ZNF430: variants seen among roughly 807,000 people sequenced by gnomAD.
ZNF430 encodes the protein zinc finger protein 430.
Under a neutral mutation model 56.7 loss-of-function variants are expected in ZNF430, and 35 were observed. The observed-to-expected ratio is 0.62, with a 90% CI of 0.47 to 0.82. ZNF430 has a LOEUF of 0.82. Ranked by LOEUF, ZNF430 falls within the 40% of genes least tolerant of loss-of-function variation. ZNF430 has a pLI of 0.00. For synonymous variants in ZNF430, 212 were observed against 224.3 expected, an observed-to-expected ratio of 0.94 and a Z score of 0.49; for missense variants, 574 against 661.0, an observed-to-expected ratio of 0.87 and a Z score of 1.44.
At chr19:21,055,762 T>A (rs1968365429) in intron 4 of ZNF430, among the ~76,000 whole-genome samples, 2 of 152,094 alleles carry the variant, frequency 1.3e-5, no homozygotes, top group African/African-American at 4.8e-5. Context: ...CCTTTTTTTG[T>A]TTCTTCTTAA....
At chr19:21,038,535 A>G (rs906664006) in intron 4 of ZNF430, among the ~76,000 whole-genome samples, 1 of 151,426 alleles carries the variant, frequency 6.6e-6, no homozygotes, top group African/African-American at 2.4e-5. Context: ...TTCAGCGATT[A>G]TTCTGCCTCA....
chr19:21,056,502 A>AT, intron 4 of ZNF430, 129 bp from the exon 5 acceptor site: 2 of 651,326 alleles, frequency 3.1e-6, no homozygotes, highest in Non-Finnish European at 2.3e-6. Flanking sequence ...AAAAAAAAAA[A>AT]TTAGGGCCTT....
intron 2 of ZNF430, among the ~76,000 whole-genome samples, chr19:21,031,910 T>C (rs777199530): frequency 6.6e-6 from 1 of 152,224 alleles, no homozygotes; most frequent in Non-Finnish European, 1.5e-5. Flanking sequence ...TTCAAGGCTG[T>C]CTGCAAAACA....
At chr19:21,027,387 A>G (rs1967823578) in intron 2 of ZNF430, among the ~76,000 whole-genome samples, 1 of 152,172 alleles carries the variant, frequency 6.6e-6, no homozygotes, top group South Asian at 2.1e-4. Flanking sequence ...TATTTTTAGC[A>G]TCTATTGAGA....
At chr19:21,038,912 A>T (rs1416029064) in intron 4 of ZNF430, among the ~76,000 whole-genome samples, 4 of 152,188 alleles carry the variant, frequency 2.6e-5, no homozygotes, top group African/African-American at 7.2e-5. Flanking sequence ...CAACTTAACT[A>T]AATTAAACTT....
At chr19:21,047,113 C>T (rs1006011103) in intron 4 of ZNF430, among the ~76,000 whole-genome samples, 1 of 152,106 alleles carries the variant, frequency 6.6e-6, no homozygotes, top group Non-Finnish European at 1.5e-5. Context: ...TCTTTCCTTG[C>T]TTCGTCTACT....
chr19:21,044,878 A>G (rs999530910), intron 4 of ZNF430, among the ~76,000 whole-genome samples: 1 of 151,990 alleles, frequency 6.6e-6, no homozygotes, highest in Non-Finnish European at 1.5e-5. Context: ...ACAGGTGTTT[A>G]TAGTATTTTC....
chr19:21,026,077 A>T, intron 2 of ZNF430: 1 of 275,440 alleles, frequency 3.6e-6, no homozygotes, highest in Non-Finnish European at 7.0e-6. Context: ...ACGGGGTTTC[A>T]CCATGTTGAC....
Position 21,058,247 on chromosome 19 carries a change from C to A in ZNF430, c.*226C>A, listed in dbSNP as rs575155680. On this transcript the variant is annotated 3_prime_UTR_variant, in exon 5 of 5. Coordinates refer to ENST00000261560, the MANE Select transcript of ZNF430 (RefSeq NM_025189.4). Reference sequence around the variant, plus strand: ...ATTACATGAGGTTGGGAGTTCGAGACCAGCCTGACCAACATGGTGAAATCC... The same window carrying A: ...ATTACATGAGGTTGGGAGTTCGAGAACAGCCTGACCAACATGGTGAAATCC... 1.2e-5 allele frequency: 6 copies of A among 505,424 alleles called. No homozygotes were observed. The highest frequency in any genetic ancestry group is 1.1e-4 in the African/African-American group (6 of 52,282). 31.3% of individuals were successfully genotyped at this position (505,424 alleles called of 1,614,324 possible).
At chr19:21,052,457 C>T (rs962475291) in intron 4 of ZNF430, among the ~76,000 whole-genome samples, 4 of 151,612 alleles carry the variant, frequency 2.6e-5, no homozygotes, top group Non-Finnish European at 4.4e-5. Flanking sequence ...AGTGTTTTTT[C>T]CATTCTTTCA....
At chr19:21,046,166 A>C (rs1968183442) in intron 4 of ZNF430, among the ~76,000 whole-genome samples, 1 of 152,084 alleles carries the variant, frequency 6.6e-6, no homozygotes, top group Non-Finnish European at 1.5e-5. Flanking sequence ...TACTAAAAAT[A>C]TAAAAATTAG....
At chr19:21,033,303 C>CAA (rs111525322) in intron 2 of ZNF430, among the ~76,000 whole-genome samples, 153 bp from the exon 3 acceptor site, 3 of 135,848 alleles carry the variant, frequency 2.2e-5, no homozygotes, top group African/African-American at 8.0e-5. Flanking sequence ...GCCTCTGTCT[C>CAA]AAAAAAAAAA....
At chr19:21,026,986 T>C (rs923162032) in intron 2 of ZNF430, among the ~76,000 whole-genome samples, 1 of 151,774 alleles carries the variant, frequency 6.6e-6, no homozygotes, top group African/African-American at 2.4e-5. Context: ...CATGCCACCA[T>C]GCCAAGCTAA....
chr19:21,049,733 C>CGTGTAACATTTCTTGTTACATTTG (rs751365639), intron 4 of ZNF430, among the ~76,000 whole-genome samples: 10,692 of 151,780 alleles, frequency 0.07, 471 homozygotes, highest in Non-Finnish European at 0.086. Flanking sequence ...TGTTACATTT[C>CGTGTAACATTTCTTGTTACATTTG]GTGTAACATT....
chr19:21,040,692 C>A (rs928362194), intron 4 of ZNF430, among the ~76,000 whole-genome samples: 1 of 152,124 alleles, frequency 6.6e-6, no homozygotes, highest in African/African-American at 2.4e-5. Flanking sequence ...TGTCTGTTTT[C>A]TTACTGATCT....
chr19:21,047,552 T>G (rs1470797281), intron 4 of ZNF430, among the ~76,000 whole-genome samples: 1 of 152,218 alleles, frequency 6.6e-6, no homozygotes, highest in Non-Finnish European at 1.5e-5. Context: ...TTTTTGTTGT[T>G]GCTTTCTGTT....
intron 4 of ZNF430, among the ~76,000 whole-genome samples, chr19:21,051,765 A>AG (rs1968288079): frequency 6.6e-6 from 1 of 152,226 alleles, no homozygotes; most frequent in Non-Finnish European, 1.5e-5. Context: ...CTGGAATTAT[A>AG]GGCGTGAGCC....
chr19:21,055,165 A>G (rs1213666563), intron 4 of ZNF430, among the ~76,000 whole-genome samples: 1 of 151,936 alleles, frequency 6.6e-6, no homozygotes, highest in Non-Finnish European at 1.5e-5. Flanking sequence ...TAATATATAC[A>G]TTTTTTATGG....
At chr19:21,051,914 A>C (rs1230068204) in intron 4 of ZNF430, among the ~76,000 whole-genome samples, 1 of 152,120 alleles carries the variant, frequency 6.6e-6, no homozygotes, top group Non-Finnish European at 1.5e-5. Flanking sequence ...TACTTTGGGT[A>C]CTTTATTGTC....
Sources: allele counts gnomAD v4.1 joint callset (sites outside exome capture counted in the v4.1 genomes callset), GRCh38; gene constraint gnomAD v4.1.1; transcripts MANE v1.5; gene names NCBI Gene and HGNC (gene_info 2026-07-23, HGNC 2026-07-21).